The following CSNK1G1 variants were observed in gnomAD, a reference collection of about 807,000 sequenced individuals.
CSNK1G1 encodes the protein casein kinase 1 gamma 1, also known as casein kinase I isoform gamma-1.
In CSNK1G1, 22 loss-of-function variants were observed where a neutral mutation model predicts 59.6. That is an observed-to-expected ratio of 0.37 (90% CI 0.26 to 0.53). The LOEUF is 0.53. Ranked by LOEUF, CSNK1G1 falls within the 20% of genes least tolerant of loss-of-function variation. The pLI is 0.89. For synonymous variants in CSNK1G1, 179 were observed against 177.1 expected, an observed-to-expected ratio of 1.01 and a Z score of -0.08; for missense variants, 384 against 519.5, an observed-to-expected ratio of 0.74 and a Z score of 2.54.
intron 1 of CSNK1G1, among the ~76,000 whole-genome samples, chr15:64,327,335 G>A: frequency 6.6e-6 from 1 of 150,384 alleles, no homozygotes; most frequent in Non-Finnish European, 1.5e-5. Context: ...CTGAGAACGG[G>A]CAGACTGCCT....
At chr15:64,217,348 GA>G (rs560174350) in intron 4 of CSNK1G1, among the ~76,000 whole-genome samples, 59 of 152,120 alleles carry the variant, frequency 3.9e-4, no homozygotes, top group Non-Finnish European at 5.3e-4. Context: ...GGAAAAGGGG[GA>G]AAAAACACAA....
chr15:64,294,231 C>A (rs1338000170), intron 2 of CSNK1G1, among the ~76,000 whole-genome samples: 1 of 152,072 alleles, frequency 6.6e-6, no homozygotes, highest in African/African-American at 2.4e-5. Flanking sequence ...CGTCACCAAG[C>A]CCGGCTAATT....
intron 4 of CSNK1G1, among the ~76,000 whole-genome samples, chr15:64,238,518 A>AAAAAAAT (rs1555396879): frequency 2.0e-4 from 10 of 49,244 alleles, no homozygotes; most frequent in African/African-American, 2.3e-4. Context: ...AAAAAAAAAA[A>AAAAAAAT]ATATATATAT....
chr15:64,227,384 C>T (rs1296073634), intron 4 of CSNK1G1, among the ~76,000 whole-genome samples: 1 of 152,170 alleles, frequency 6.6e-6, no homozygotes, highest in Non-Finnish European at 1.5e-5. Flanking sequence ...TAAATGATAT[C>T]TACAGTTTAT....
At chr15:64,251,030 C>G (rs1457628357) in intron 4 of CSNK1G1, among the ~76,000 whole-genome samples, 2 of 152,090 alleles carry the variant, frequency 1.3e-5, no homozygotes, top group African/African-American at 4.8e-5. Context: ...TGCCGAAGGT[C>G]ATAGGTTATT....
chr15:64,182,458 T>C (rs1171568134), intron 10 of CSNK1G1, among the ~76,000 whole-genome samples: 3 of 152,102 alleles, frequency 2.0e-5, no homozygotes, highest in Non-Finnish European at 2.9e-5. Flanking sequence ...GACTAAGACA[T>C]TGTAAAAGAC....
chr15:64,324,361 G>A (rs900661152), intron 1 of CSNK1G1, among the ~76,000 whole-genome samples: 14 of 152,214 alleles, frequency 9.2e-5, no homozygotes, highest in Admixed American at 3.3e-4. Context: ...AATCTGGGTG[G>A]TACCATCTAA....
chr15:64,197,559 G>A (rs546967710), intron 10 of CSNK1G1, among the ~76,000 whole-genome samples: 2 of 152,208 alleles, frequency 1.3e-5, no homozygotes, highest in South Asian at 4.2e-4. Flanking sequence ...CATTCATGTG[G>A]GCTGCCAATT....
chr15:64,259,089 A>T, intron 3 of CSNK1G1, 112 bp downstream of exon 3: 1 of 837,912 alleles, frequency 1.2e-6, no homozygotes, highest in Non-Finnish European at 1.8e-6. Context: ...ACACAAAAAA[A>T]ACCCCAAACC....
At chr15:64,265,677 ACCTAGG>A in intron 2 of CSNK1G1, 1 of 351,532 alleles carries the variant, frequency 2.8e-6, no homozygotes, top group Non-Finnish European at 5.6e-6. Flanking sequence ...AAAAAAAAAA[ACCTAGG>A]AATAAATTCA....
chr15:64,317,920 T>C (rs184697207), intron 1 of CSNK1G1, among the ~76,000 whole-genome samples: 12 of 152,312 alleles, frequency 7.9e-5, no homozygotes, highest in African/African-American at 7.2e-5. Context: ...GTTTCTCTAA[T>C]TGATTCACTC....
At chr15:64,213,456 T>C (rs1050101299) in intron 6 of CSNK1G1, among the ~76,000 whole-genome samples, 4 of 152,224 alleles carry the variant, frequency 2.6e-5, no homozygotes, top group East Asian at 1.9e-4. Context: ...AAGCTCTTCC[T>C]TGAAGACTTC....
intron 4 of CSNK1G1, among the ~76,000 whole-genome samples, chr15:64,222,440 A>G (rs12101810): frequency 1.6e-5 from 2 of 127,784 alleles, no homozygotes; most frequent in African/African-American, 8.5e-5. Context: ...ACACCACCAA[A>G]AAAAAAAAAA....
In CSNK1G1 at chr15:64,200,367, A is replaced by G. The variant is rs1418718114; in HGVS notation, c.1107+2715T>C. 6.6e-6 allele frequency among the ~76,000 whole-genome samples: 1 copy of G among 152,148 alleles called. No individual in the cohort carries two copies. The highest frequency in any genetic ancestry group is 2.4e-5 in the African/African-American group (1 of 41,422). ...AGATGGAGTTTCTCTCTTGTTGCCC[A>G]GGCTGGAGTGCAGTGGTGCCCAGGC... is the stretch of plus-strand genomic sequence containing the variant. On this transcript the variant is annotated intron_variant, in intron 10 of 11. Coordinates refer to ENST00000303052, the MANE Select transcript of CSNK1G1 (RefSeq NM_022048.5). This position sits in a 1 kb window ranked among gnomAD's most constrained non-coding sequence, Gnocchi z 4.3.
intron 1 of CSNK1G1, among the ~76,000 whole-genome samples, chr15:64,349,160 C>T (rs1270903179): frequency 1.3e-5 from 2 of 149,830 alleles, no homozygotes; most frequent in African/African-American, 2.5e-5. Context: ...AAAAAAGTAT[C>T]AAGACAGAAG....
At position 64,313,739 on chromosome 15, in the gene CSNK1G1, T is replaced by TA. The variant is rs575355150; in HGVS notation, c.-224-13017dup. 5.4e-4 allele frequency among the ~76,000 whole-genome samples: 80 copies of TA among 148,368 alleles called. 1 individual carries two copies. In the South Asian group the frequency reaches 0.016, roughly 30 times the overall value. On this transcript the variant is annotated intron_variant, in intron 1 of 11. Transcript: ENST00000303052. ...TGTTCTGCACAGGTACCCCAGAACT[T>TA]AAAGTATAATAATAATTTTTTAAAA...
intron 2 of CSNK1G1, among the ~76,000 whole-genome samples, chr15:64,271,032 G>C (rs902823111): frequency 2.0e-5 from 3 of 151,918 alleles, no homozygotes; most frequent in Admixed American, 1.3e-4. Flanking sequence ...TCCCAGGTTG[G>C]AGTGTAGCAG....
At chr15:64,213,353 T>C (rs1253354741) in intron 6 of CSNK1G1, among the ~76,000 whole-genome samples, 1 of 152,176 alleles carries the variant, frequency 6.6e-6, no homozygotes, top group Non-Finnish European at 1.5e-5. Flanking sequence ...TCTGCCTTGA[T>C]TAGAGCATTT....
intron 11 of CSNK1G1, 57 bp downstream of exon 11, chr15:64,180,291 A>G (rs1596053138): frequency 8.1e-7 from 1 of 1,235,102 alleles, no homozygotes; most frequent in East Asian, 2.3e-5. Flanking sequence ...AGAGAGGAAG[A>G]GACAGAAAAG....
Sources: allele counts gnomAD v4.1 joint callset (sites outside exome capture counted in the v4.1 genomes callset), GRCh38; gene constraint gnomAD v4.1.1; non-coding constraint Gnocchi (gnomAD v3.1); transcripts MANE v1.5; gene names NCBI Gene and HGNC (gene_info 2026-07-23, HGNC 2026-07-21).